Variants in FXYD6 observed in about 807,000 individuals in gnomAD.
FXYD6 encodes FXYD domain-containing ion transport regulator 6.
Under a neutral mutation model 16.7 loss-of-function variants are expected in FXYD6, and 7 were observed. The observed-to-expected ratio is 0.42, with a 90% confidence interval of 0.24 to 0.79. FXYD6 has a LOEUF of 0.79. Among genes scored for constraint, FXYD6 ranks in the 30% least tolerant of loss-of-function variants. The probability of loss-of-function intolerance (pLI) is 0.28; values close to 1 mark genes in which losing one functional copy is unlikely to be tolerated. For missense variants in FXYD6, 111 were observed against 116.2 expected, an observed-to-expected ratio of 0.95 and a Z score of 0.21; for synonymous variants, 49 against 43.0, an observed-to-expected ratio of 1.14 and a Z score of -0.54.
intron 1 of FXYD6, among the ~76,000 whole-genome samples, chr11:117,873,530 G>A (rs1340647279): frequency 6.6e-6 from 1 of 152,238 alleles, no homozygotes; most frequent in African/African-American, 2.4e-5. Context: ...CTCAGGGGGA[G>A]AGCTGGGGCT....
At chr11:117,842,210 C>T in intron 2 of FXYD6, 182 bp from the exon 3 acceptor site, 3 of 830,822 alleles carry the variant, frequency 3.6e-6, no homozygotes, top group Non-Finnish European at 5.5e-6. Context: ...TAGGGGAACC[C>T]TAAGGGCCGA....
chr11:117,860,421 G>A (rs5014624), intron 1 of FXYD6, among the ~76,000 whole-genome samples: 65,714 of 152,066 alleles, frequency 0.43, 14,789 homozygotes, highest in East Asian at 0.73. Context: ...AGGGGCTCCC[G>A]CATCTGGATG....
Position 117,870,950 on chromosome 11 carries a change from C to T in FXYD6, c.-6+5642G>A, listed in dbSNP as rs1443194212. Among the ~76,000 whole-genome samples, 3 of 152,192 alleles carry T rather than the reference C, an allele frequency of 2.0e-5. No homozygotes were observed. The highest frequency in any genetic ancestry group is 4.8e-5 in the African/African-American group (2 of 41,454). The stretch of plus-strand genomic sequence containing the variant: ...ATGTTGATGTGTGAATGAAAGGACG[C>T]TTCAGCATCATTATCCCTTTACATC... On this transcript the variant is annotated intron_variant, in intron 1 of 7. Transcript: ENST00000526014. This position sits in a 1 kb window ranked among gnomAD's most constrained non-coding sequence, Gnocchi z 4.2.
Position 117,841,984 on chromosome 11 carries a change from G to T in FXYD6, c.97+6C>A. ...GACCCCTGCACCCAGGGTTGCCATC[G>T]CTCACCATAATGAAAAGGGTCCATT... On this transcript the variant is annotated splice_donor_region_variant and intron_variant, in intron 3 of 7. Coordinates refer to ENST00000526014, the MANE Select transcript of FXYD6 (RefSeq NM_022003.4). 6.2e-7 allele frequency: 1 copy of T among 1,614,130 alleles called. No homozygotes were observed. Among genetic ancestry groups the T allele is most frequent in the Non-Finnish European group, 8.5e-7 (1 of 1,180,040 alleles).
intron 1 of FXYD6, among the ~76,000 whole-genome samples, chr11:117,861,783 C>G (rs557590784): frequency 2.0e-5 from 3 of 152,334 alleles, no homozygotes; most frequent in African/African-American, 7.2e-5. Context: ...GCTCCAGGGT[C>G]CTCGTGTGGT....
intron 1 of FXYD6, among the ~76,000 whole-genome samples, chr11:117,853,451 T>C (rs1452168501): frequency 6.6e-6 from 1 of 152,220 alleles, no homozygotes; most frequent in Non-Finnish European, 1.5e-5. Context: ...AGAGTAACTA[T>C]GGCTTAAGTT....
At chr11:117,850,586 T>C (rs971961557) in intron 1 of FXYD6, among the ~76,000 whole-genome samples, 1 of 152,270 alleles carries the variant, frequency 6.6e-6, no homozygotes, top group Non-Finnish European at 1.5e-5. Context: ...CTTTCTGCCA[T>C]CTGTTTTTTC....
intron 1 of FXYD6, among the ~76,000 whole-genome samples, chr11:117,854,751 C>A (rs1418383500): frequency 6.6e-6 from 1 of 152,106 alleles, no homozygotes; most frequent in Admixed American, 6.5e-5. Context: ...ACCTTAAGAG[C>A]AGGGTAGGAT....
intron 4 of FXYD6, chr11:117,841,477 G>A (rs2056342041): frequency 8.5e-6 from 5 of 585,300 alleles, no homozygotes; most frequent in Non-Finnish European, 1.5e-5. Flanking sequence ...CACATCCCTC[G>A]CACACTAGGG....
chr11:117,867,254 A>C (rs2057031337), intron 1 of FXYD6, among the ~76,000 whole-genome samples: 1 of 152,214 alleles, frequency 6.6e-6, no homozygotes, highest in African/African-American at 2.4e-5. Flanking sequence ...CACTGAGGAC[A>C]CTGCAGTGAG....
intron 1 of FXYD6, among the ~76,000 whole-genome samples, chr11:117,866,484 C>T (rs972606726): frequency 1.2e-4 from 19 of 152,196 alleles, no homozygotes; most frequent in African/African-American, 2.6e-4. Flanking sequence ...CCCCTTTTTC[C>T]GCCTTTCACA....
chr11:117,837,785 C>T lies in FXYD6; in HGVS notation c.*514G>A. The T allele has an allele frequency of 5.3e-6, 1 of 187,402 alleles. No individual in the cohort carries two copies. Among genetic ancestry groups the T allele is most frequent in the Non-Finnish European group, 1.1e-5 (1 of 88,390 alleles). The allele number at this position is 187,402 out of a possible 1,614,324, so 11.6% of individuals were successfully genotyped here. ...ATGATGACAAAGTGCTGCAAACCTT[C>T]CCAGGTCCCAAGACGACTGAAGACC... On this transcript the variant is annotated 3_prime_UTR_variant, in exon 8 of 8. Transcript: ENST00000526014. The surrounding 1 kb of genome is among the most constrained non-coding windows in gnomAD (Gnocchi z 4.4).
chr11:117,854,166 T>G (rs536076012), intron 1 of FXYD6, among the ~76,000 whole-genome samples: 18 of 152,246 alleles, frequency 1.2e-4, no homozygotes, highest in African/African-American at 4.3e-4. Context: ...GGAGTCAAGA[T>G]GTGGAAGGTA....
intron 6 of FXYD6, chr11:117,840,090 G>T: frequency 1.6e-6 from 1 of 643,376 alleles, no homozygotes; most frequent in Non-Finnish European, 2.7e-6. Flanking sequence ...AAATGATATG[G>T]GGTCTGTGCC....
chr11:117,859,792 C>T (rs926141275), intron 1 of FXYD6, among the ~76,000 whole-genome samples: 1 of 152,196 alleles, frequency 6.6e-6, no homozygotes, highest in Non-Finnish European at 1.5e-5. Context: ...GATCCCACCT[C>T]TCTCCCAGTA....
rs567019500 is a variant in FXYD6, at chr11:117,839,830, G to T, written c.260C>A (p.Ala87Glu). The T allele has an allele frequency of 6.2e-7, 1 of 1,614,186 alleles. No homozygotes were observed. The highest frequency in any genetic ancestry group is 8.5e-7 in the Non-Finnish European group (1 of 1,180,036). ...AQVENLITAN[A>E]TEPQKAEN ...GTTCTCTGCTTTCTGGGGCTCTGTT[G>T]CTGGAAAGAAAACCAGAATGGATTA... The change falls in exon 7 of 8, where the codon GCA becomes GAA. Residue 87 changes from alanine to glutamate, a missense_variant and splice_region_variant. By Grantham distance (107) the Ala-to-Glu change is moderately radical. Transcript: ENST00000526014.
chr11:117,858,798 A>ATG (rs2056835636), intron 1 of FXYD6, among the ~76,000 whole-genome samples: 1 of 97,522 alleles, frequency 1.0e-5, no homozygotes, highest in African/African-American at 4.0e-5. Context: ...TCTTTTTTAG[A>ATG]CAGTCTCGCT....
chr11:117,863,211 C>T (rs1043471149), intron 1 of FXYD6, among the ~76,000 whole-genome samples: 2 of 152,198 alleles, frequency 1.3e-5, no homozygotes, highest in African/African-American at 4.8e-5. Flanking sequence ...TTTCTTGCTG[C>T]CTCCCTGGCA....
chr11:117,866,537 G>T, intron 1 of FXYD6, among the ~76,000 whole-genome samples: 1 of 152,158 alleles, frequency 6.6e-6, no homozygotes, highest in East Asian at 1.9e-4. Context: ...ACTGAGGTTG[G>T]GGTAAAGCTG....
Sources: gnomAD v4.1 joint callset for allele counts (sites outside exome capture counted in the v4.1 genomes callset) on GRCh38, gnomAD v4.1.1 for gene constraint, Gnocchi (gnomAD v3.1) non-coding constraint, MANE v1.5 for transcripts, NCBI Gene and HGNC (gene_info 2026-07-23, HGNC 2026-07-21) for gene names.